Variants in KLHDC1 observed in about 807,000 individuals in gnomAD.
KLHDC1 encodes the protein kelch domain-containing protein 1.
KLHDC1 carries 53 observed loss-of-function variants against 68.3 expected under a neutral mutation model. The observed-to-expected ratio is 0.78, with a 90% CI of 0.62 to 0.98. The LOEUF (loss-of-function observed/expected upper bound fraction) is 0.98. Ranked by LOEUF, KLHDC1 falls within the 50% of genes least tolerant of loss-of-function variation. The probability of loss-of-function intolerance (pLI) is 0.00; values close to 1 mark genes in which losing one functional copy is unlikely to be tolerated. For missense variants in KLHDC1, 470 were observed against 492.3 expected (o/e 0.95, Z 0.43); for synonymous variants, 148 against 159.0 (o/e 0.93, Z 0.52).
At chr14:49,737,212 C>T (rs537059658) in intron 10 of KLHDC1, among the ~76,000 whole-genome samples, 5 of 152,258 alleles carry the variant, frequency 3.3e-5, no homozygotes, top group Non-Finnish European at 5.9e-5. Flanking sequence ...GACCCCACCA[C>T]GTAATCTGGG....
chr14:49,722,450 CT>C (rs1281667510), intron 4 of KLHDC1, among the ~76,000 whole-genome samples: 3 of 152,082 alleles, frequency 2.0e-5, no homozygotes, highest in African/African-American at 4.8e-5. Flanking sequence ...TGAACTCATC[CT>C]TTTTTATGGC....
At chr14:49,713,817 TATATATATATATATATA>T (rs1566602728) in intron 4 of KLHDC1, among the ~76,000 whole-genome samples, 45 of 2,762 alleles carry the variant, frequency 0.016, 3 homozygotes, top group Non-Finnish European at 0.085. Context: ...TATATATATA[TATATATATATATATATA>T]TATATATATA....
intron 9 of KLHDC1, 35 bp downstream of exon 9, chr14:49,732,851 C>A (rs534153063): frequency 1.1e-5 from 11 of 1,004,046 alleles, no homozygotes; most frequent in East Asian, 2.4e-5. Flanking sequence ...TAATTATTAT[C>A]TCATTCTTTT....
At chr14:49,717,831 A>G (rs1030843316) in intron 4 of KLHDC1, among the ~76,000 whole-genome samples, 2 of 152,068 alleles carry the variant, frequency 1.3e-5, no homozygotes, top group Non-Finnish European at 2.9e-5. Flanking sequence ...TGATTCAATC[A>G]TCTTACTTGT....
chr14:49,713,703 T>TGACAAAACC (rs1392588750), intron 4 of KLHDC1, among the ~76,000 whole-genome samples: 3 of 149,236 alleles, frequency 2.0e-5, no homozygotes, highest in African/African-American at 7.4e-5. Context: ...CTGGCCAACA[T>TGACAAAACC]GACAAAACCC....
intron 9 of KLHDC1, among the ~76,000 whole-genome samples, chr14:49,733,520 C>T (rs1232236848): frequency 6.6e-6 from 1 of 151,382 alleles, no homozygotes; most frequent in Admixed American, 6.6e-5. Context: ...CTCCACCTCC[C>T]GGGTTCAAGC....
intron 1 of KLHDC1, among the ~76,000 whole-genome samples, chr14:49,698,163 A>G (rs750035339): frequency 6.6e-6 from 1 of 152,208 alleles, no homozygotes; most frequent in African/African-American, 2.4e-5. Flanking sequence ...TAAAACAGCA[A>G]TCTGTAATAT....
chr14:49,693,780 TC>T (rs1182302583), intron 1 of KLHDC1, among the ~76,000 whole-genome samples: 1 of 63,378 alleles, frequency 1.6e-5, no homozygotes, highest in Non-Finnish European at 3.7e-5. Context: ...GGAGTTTCGC[TC>T]TTGTTGCCCA....
intron 4 of KLHDC1, among the ~76,000 whole-genome samples, chr14:49,713,814 A>T (rs1888276147): frequency 1.2e-3 from 1 of 856 alleles, no homozygotes. Flanking sequence ...ATATATATAT[A>T]TATATATATA....
intron 4 of KLHDC1, among the ~76,000 whole-genome samples, chr14:49,723,555 A>C (rs530098388): frequency 6.6e-6 from 1 of 152,216 alleles, no homozygotes; most frequent in African/African-American, 2.4e-5. Context: ...AAATTAAAAA[A>C]AATCTAATTT....
intron 4 of KLHDC1, among the ~76,000 whole-genome samples, chr14:49,719,506 A>G (rs1811248874): frequency 6.6e-6 from 1 of 151,408 alleles, no homozygotes; most frequent in Non-Finnish European, 1.5e-5. Flanking sequence ...TGAGCTCACC[A>G]CAACCTCTTC....
chr14:49,695,850 G>T (rs1202970537), intron 1 of KLHDC1, among the ~76,000 whole-genome samples: 2 of 152,124 alleles, frequency 1.3e-5, no homozygotes, highest in Admixed American at 1.3e-4. Flanking sequence ...GGATCACAAA[G>T]TCAGGAGATC....
At chr14:49,709,893 G>C in intron 3 of KLHDC1, 67 bp downstream of exon 3, 1 of 751,046 alleles carries the variant, frequency 1.3e-6, no homozygotes. Context: ...CATCTCACAA[G>C]TTACAAATAT....
At chr14:49,745,946 G>A (rs186414571) in intron 12 of KLHDC1, among the ~76,000 whole-genome samples, 180 of 152,288 alleles carry the variant, frequency 1.2e-3, no homozygotes, top group African/African-American at 4.1e-3. Context: ...CAGAGTGGAC[G>A]AAAAATTGAA....
intron 4 of KLHDC1, among the ~76,000 whole-genome samples, chr14:49,720,635 AT>A (rs1354516064): frequency 6.6e-6 from 1 of 151,944 alleles, no homozygotes; most frequent in Non-Finnish European, 1.5e-5. Flanking sequence ...CTCAGTAATT[AT>A]ATTATCAAAT....
At chr14:49,715,769 T>A (rs1888360610) in intron 4 of KLHDC1, among the ~76,000 whole-genome samples, 1 of 137,604 alleles carries the variant, frequency 7.3e-6, no homozygotes, top group African/African-American at 2.7e-5. Context: ...AAAAAAAATA[T>A]ATATATATAT....
intron 10 of KLHDC1, among the ~76,000 whole-genome samples, chr14:49,738,342 GTT>G (rs750397018): frequency 2.6e-3 from 319 of 122,976 alleles, no homozygotes; most frequent in African/African-American, 7.7e-3. Flanking sequence ...TGGTTTTTTT[GTT>G]TTTTTTTTTT....
intron 10 of KLHDC1, among the ~76,000 whole-genome samples, chr14:49,736,477 G>C (rs1048863989): frequency 6.6e-6 from 1 of 152,196 alleles, no homozygotes; most frequent in African/African-American, 2.4e-5. Context: ...GACAGAGGCA[G>C]ATCTACAGGT....
intron 6 of KLHDC1, among the ~76,000 whole-genome samples, chr14:49,728,179 C>T (rs778135693): frequency 2.0e-5 from 3 of 152,030 alleles, no homozygotes; most frequent in Admixed American, 6.6e-5. Flanking sequence ...AAAAATTAGC[C>T]GGGCCTGGTG....
Sources: gnomAD v4.1 joint callset for allele counts (sites outside exome capture counted in the v4.1 genomes callset) on GRCh38, gnomAD v4.1.1 for gene constraint, MANE v1.5 for transcripts, NCBI Gene and HGNC (gene_info 2026-07-23, HGNC 2026-07-21) for gene names.